SLC41A2: variants seen among roughly 807,000 people sequenced by gnomAD.
The protein encoded by SLC41A2 is SLC41A1-like 1.
SLC41A2 carries 32 observed loss-of-function variants against 58.3 expected under a neutral mutation model. The observed-to-expected ratio is 0.55, with a 90% CI of 0.41 to 0.74. The LOEUF is 0.74. Among genes scored for constraint, SLC41A2 ranks in the 30% least tolerant of loss-of-function variants. SLC41A2 has a pLI of 0.00. For synonymous variants in SLC41A2, 190 were observed against 235.0 expected, an observed-to-expected ratio of 0.81 and a Z score of 1.75; for missense variants, 514 against 680.6, an observed-to-expected ratio of 0.76 and a Z score of 2.72.
intron 6 of SLC41A2, among the ~76,000 whole-genome samples, chr12:104,869,442 T>C (rs2043647220): frequency 6.6e-6 from 1 of 152,198 alleles, no homozygotes; most frequent in African/African-American, 2.4e-5. Flanking sequence ...GGTAAAATGT[T>C]AACCTTAGGT....
At chr12:104,951,543 A>G (rs550314395) in intron 1 of SLC41A2, 2 of 152,236 alleles carry the variant, frequency 1.3e-5, no homozygotes, top group African/African-American at 4.8e-5. Context: ...CCAAACACTG[A>G]AAGAATTTTT....
intron 10 of SLC41A2, among the ~76,000 whole-genome samples, chr12:104,843,687 TAGA>T (rs2042500482): frequency 6.6e-6 from 1 of 152,066 alleles, no homozygotes; most frequent in East Asian, 1.9e-4. Flanking sequence ...AACACAAAAA[TAGA>T]AGAAAACAGA....
At chr12:104,903,031 T>A (rs1474073738) in intron 3 of SLC41A2, among the ~76,000 whole-genome samples, 1 of 152,192 alleles carries the variant, frequency 6.6e-6, no homozygotes, top group Admixed American at 6.5e-5. Flanking sequence ...TTGCTTTTAC[T>A]CCTCTCAGAT....
rs1555218395 is a variant in SLC41A2, at chr12:104,942,666, C to CT, written c.-167-13973dup. Among the ~76,000 whole-genome samples the CT allele has an allele frequency of 9.2e-5, 14 of 152,158 alleles. No homozygotes were observed. In the South Asian group the frequency reaches 2.3e-3, roughly 25 times the overall value. ...TTTTCTTCAATAAAAATTGAGCCAG[C>CT]TTTTTTTACTTTAGCAGTGAGGAAA... On this transcript the variant is annotated intron_variant, in intron 1 of 10. Transcript: ENST00000258538.
chr12:104,954,945 T>G (rs919365991), intron 1 of SLC41A2, among the ~76,000 whole-genome samples: 24 of 151,982 alleles, frequency 1.6e-4, no homozygotes, highest in Non-Finnish European at 2.8e-4. Flanking sequence ...GTGCACTTCC[T>G]TGTAAAATGC....
chr12:104,854,580 A>AC (rs1280025586), intron 8 of SLC41A2, among the ~76,000 whole-genome samples: 2 of 151,630 alleles, frequency 1.3e-5, no homozygotes, highest in Non-Finnish European at 3.0e-5. Context: ...CAAAAAAAAA[A>AC]AAACACCGCC....
At chr12:104,884,345 C>T (rs1424373870) in intron 6 of SLC41A2, among the ~76,000 whole-genome samples, 1 of 152,180 alleles carries the variant, frequency 6.6e-6, no homozygotes, top group African/African-American at 2.4e-5. Flanking sequence ...CTGTGGGCTG[C>T]ACCCACAGTC....
chr12:104,845,016 GCTCACA>G (rs1452790765), intron 9 of SLC41A2, among the ~76,000 whole-genome samples: 5 of 152,136 alleles, frequency 3.3e-5, no homozygotes, highest in African/African-American at 1.2e-4. Context: ...ACGCACAGTG[GCTCACA>G]CCTGTAATCC....
At chr12:104,956,060 G>A (rs2048155817) in intron 1 of SLC41A2, among the ~76,000 whole-genome samples, 2 of 152,148 alleles carry the variant, frequency 1.3e-5, no homozygotes, top group South Asian at 4.1e-4. Flanking sequence ...TGTAATTAAA[G>A]TGATAACTGG....
chr12:104,880,502 T>C (rs2044308814), intron 6 of SLC41A2, among the ~76,000 whole-genome samples: 1 of 152,140 alleles, frequency 6.6e-6, no homozygotes, highest in Admixed American at 6.5e-5. Flanking sequence ...CAATACCTAG[T>C]TTATTGAGAG....
intron 6 of SLC41A2, among the ~76,000 whole-genome samples, chr12:104,875,147 G>A (rs887616076): frequency 1.3e-5 from 2 of 152,128 alleles, no homozygotes; most frequent in Non-Finnish European, 2.9e-5. Context: ...GCATCCCTGG[G>A]ATGAATCCCA....
chr12:104,882,015 T>C (rs1445087334), intron 6 of SLC41A2, among the ~76,000 whole-genome samples: 1 of 152,206 alleles, frequency 6.6e-6, no homozygotes, highest in African/African-American at 2.4e-5. Context: ...TGGGTGCATA[T>C]ATATTTAGGA....
intron 6 of SLC41A2, among the ~76,000 whole-genome samples, chr12:104,882,142 G>A (rs900681959): frequency 5.3e-5 from 8 of 151,792 alleles, no homozygotes; most frequent in African/African-American, 1.9e-4. Context: ...TGCAACCCCT[G>A]CTTTTTTTTT....
chr12:104,926,891 G>A (rs1454240858), intron 2 of SLC41A2, among the ~76,000 whole-genome samples: 1 of 151,896 alleles, frequency 6.6e-6, no homozygotes, highest in Non-Finnish European at 1.5e-5. Context: ...TTTGAGACCC[G>A]CCTGGGCAAC....
intron 8 of SLC41A2, among the ~76,000 whole-genome samples, chr12:104,858,055 T>C (rs10507184): frequency 0.75 from 113,476 of 152,038 alleles, 42,958 homozygotes; most frequent in African/African-American, 0.88. Context: ...TAAAGAAATC[T>C]CGTAGTAAGC....
chr12:104,937,412 TACCATTGTG>T (rs2047326377), intron 1 of SLC41A2, among the ~76,000 whole-genome samples: 1 of 152,324 alleles, frequency 6.6e-6, no homozygotes, highest in East Asian at 1.9e-4. Context: ...CACAAATACT[TACCATTGTG>T]TAACAACTGC....
intron 5 of SLC41A2, among the ~76,000 whole-genome samples, chr12:104,887,591 C>T (rs184286196): frequency 1.3e-5 from 2 of 151,810 alleles, no homozygotes; most frequent in Non-Finnish European, 2.9e-5. Context: ...ATACATTATG[C>T]AATAATCAGG....
chr12:104,826,962 A>G (rs1176815797), intron 10 of SLC41A2, among the ~76,000 whole-genome samples: 1 of 152,166 alleles, frequency 6.6e-6, no homozygotes, highest in Non-Finnish European at 1.5e-5. Flanking sequence ...CCAGTGTATG[A>G]CCCTAAATGG....
At chr12:104,860,379 T>C (rs1452227704) in intron 8 of SLC41A2, among the ~76,000 whole-genome samples, 4 of 145,834 alleles carry the variant, frequency 2.7e-5, no homozygotes, top group African/African-American at 1.0e-4. Context: ...TGCACATGTA[T>C]CCCAGAACTT....
Sources: allele counts gnomAD v4.1 joint callset (sites outside exome capture counted in the v4.1 genomes callset), GRCh38; gene constraint gnomAD v4.1.1; transcripts MANE v1.5; gene names NCBI Gene and HGNC (gene_info 2026-07-23, HGNC 2026-07-21).